The following SENP3 variants were observed in gnomAD, a reference collection of about 807,000 sequenced individuals.
The protein encoded by SENP3 is SUMO specific peptidase 3.
SENP3 carries 11 observed loss-of-function variants against 66.2 expected under a neutral mutation model. The observed-to-expected ratio is 0.17, with a 90% CI of 0.10 to 0.28. The LOEUF (loss-of-function observed/expected upper bound fraction) is 0.28. SENP3 is among the 10% of genes least tolerant of loss of function. The probability of loss-of-function intolerance (pLI) is 1.00; values close to 1 mark genes in which losing one functional copy is unlikely to be tolerated. For missense variants in SENP3, 548 were observed against 743.7 expected (o/e 0.74, Z 3.06); for synonymous variants, 292 against 277.6 (o/e 1.05, Z -0.52).
Position 7,563,185 on chromosome 17 carries a change from C to A in SENP3, c.109C>A (p.Pro37Thr). 1.3e-6 allele frequency: 2 copies of A among 1,564,400 alleles called. No homozygotes were observed. The highest frequency in any genetic ancestry group is 1.7e-6 in the Non-Finnish European group (2 of 1,154,806). The change falls in exon 2 of 11, where the codon CCT (proline) becomes ACT (threonine). Residue 37 changes from proline to threonine, a missense_variant. Coordinates refer to ENST00000321337, the MANE Select transcript of SENP3 (RefSeq NM_015670.6). ...GCGGGAGCGTCTTCGTTGGCCCCCA[C>A]CTCCCAAACCCCGACTCAAGTCAGG... ...PRRERLRWPP[P>T]PKPRLKSGGG... is the part of the protein sequence containing the mutation.
At chr17:7,564,194 G>A (rs2071248766) in intron 2 of SENP3, among the ~76,000 whole-genome samples, 2 of 152,202 alleles carry the variant, frequency 1.3e-5, no homozygotes, top group Admixed American at 6.5e-5. Flanking sequence ...CAGTAGTGGA[G>A]TACATCATCT....
At position 7,570,621 on chromosome 17, in the gene SENP3, A is replaced by T; in HGVS notation, c.1480-60A>T. 1 of 1,583,904 alleles carries T rather than the reference A, an allele frequency of 6.3e-7. No homozygotes were observed. The highest frequency in any genetic ancestry group is 2.3e-5 in the East Asian group (1 of 43,716). On this transcript the variant is annotated intron_variant, in intron 8 of 10. Transcript: ENST00000321337. The surrounding 1 kb of genome is among the most constrained non-coding windows in gnomAD (Gnocchi z 5.4). ...CATGGTGTCTGCCAGCACTGTACCC[A>T]CCATACTGTGTTCAATTGAGAAACT...
At chr17:7,565,859 G>C in intron 6 of SENP3, 95 bp downstream of exon 6, 1 of 1,082,662 alleles carries the variant, frequency 9.2e-7, no homozygotes, top group Non-Finnish European at 1.4e-6. Flanking sequence ...TACACAGAGA[G>C]GGTCTCTGTT....
chr17:7,568,843 AAC>A (rs2150920913), intron 7 of SENP3, among the ~76,000 whole-genome samples: 1 of 152,320 alleles, frequency 6.6e-6, no homozygotes, highest in East Asian at 1.9e-4. Flanking sequence ...GTTGGTGAGA[AAC>A]ACAGATAAAA....
intron 6 of SENP3, chr17:7,566,021 T>A: frequency 2.6e-6 from 1 of 380,054 alleles, no homozygotes; most frequent in Non-Finnish European, 4.7e-6. Context: ...GTAACTATTG[T>A]AAAACAAGAT....
intron 7 of SENP3, among the ~76,000 whole-genome samples, chr17:7,567,678 C>T (rs967522304): frequency 2.0e-5 from 3 of 152,078 alleles, no homozygotes; most frequent in African/African-American, 7.2e-5. Flanking sequence ...AGTGAAAAAC[C>T]ATGGCTGAGG....
chr17:7,570,658 T>G lies in SENP3; in HGVS notation c.1480-23T>G. 6.2e-7 allele frequency: 1 copy of G among 1,608,214 alleles called. No homozygotes were observed. Among genetic ancestry groups the G allele is most frequent in the Non-Finnish European group, 8.5e-7 (1 of 1,176,894 alleles). ...TCAATTGAGAAACTTAGGGCATCAC[T>G]TTCTTTTCCCCCATCCACATAGCAT... On this transcript the variant is annotated intron_variant, in intron 8 of 10. Transcript: ENST00000321337. This position sits in a 1 kb window ranked among gnomAD's most constrained non-coding sequence, Gnocchi z 5.4.
Position 7,570,783 on chromosome 17 carries a change from G to T in SENP3, c.1563+19G>T, listed in dbSNP as rs1353016427. On this transcript the variant is annotated intron_variant, in intron 9 of 10. Transcript: ENST00000321337. The surrounding 1 kb of genome is among the most constrained non-coding windows in gnomAD (Gnocchi z 5.4). ...CAAAATGGTGAGTTTCCTGAGGGAG[G>T]GGTATAGGGTGTTGGTGGGGACAGT... is the stretch of plus-strand genomic sequence containing the variant. 6.2e-7 allele frequency: 1 copy of T among 1,607,354 alleles called. No individual in the cohort carries two copies. The highest frequency in any genetic ancestry group is 8.5e-7 in the Non-Finnish European group (1 of 1,176,406).
At chr17:7,565,668 T>G (rs2071261751) in intron 5 of SENP3, 49 bp from the exon 6 acceptor site, 1 of 1,612,850 alleles carries the variant, frequency 6.2e-7, no homozygotes, top group African/African-American at 1.3e-5. Context: ...GGGAGCCCTG[T>G]ACCCATGCCG....
intron 7 of SENP3, among the ~76,000 whole-genome samples, chr17:7,567,502 A>G (rs1430618096): frequency 6.6e-6 from 1 of 151,480 alleles, no homozygotes; most frequent in Non-Finnish European, 1.5e-5. Context: ...CTGGGCAACA[A>G]GAGCAAAACT....
Position 7,562,475 on chromosome 17 carries a change from T to G in SENP3, c.-12+212T>G, listed in dbSNP as rs1045529270. ...GAGGGGGCTGGGCCGGCCTGGCTTGTGCGCTCCGTTCTGTCCCAGCGTCTT... is the reference window on the plus strand; with the variant it reads ...GAGGGGGCTGGGCCGGCCTGGCTTGGGCGCTCCGTTCTGTCCCAGCGTCTT... On this transcript the variant is annotated intron_variant, in intron 1 of 10. Transcript: ENST00000321337. The surrounding 1 kb of genome is among the most constrained non-coding windows in gnomAD (Gnocchi z 5.0). Among the ~76,000 whole-genome samples, 1 of 152,276 alleles carries G rather than the reference T, an allele frequency of 6.6e-6. No homozygotes were observed. The highest frequency in any genetic ancestry group is 2.4e-5 in the African/African-American group (1 of 41,474).
In SENP3 at chr17:7,563,698, G is replaced by A; in HGVS notation, c.622G>A (p.Gly208Arg). ...GCTAGGTGCTCTCATGGCTGAGGAT[G>A]GGGTGAGAGGGTCTCCACCAGTGCC... is the stretch of plus-strand genomic sequence containing the variant. ...GLLGALMAEDGVRGSPPVPSG... is the reference protein window; with the variant it reads ...GLLGALMAEDRVRGSPPVPSG... Residue 208 changes from glycine to arginine, a missense_variant, in exon 2 of 11, where the codon GGG becomes AGG. Gly to Arg is a moderately radical substitution (Grantham distance 125, BLOSUM62 -2). Transcript: ENST00000321337. 3 of 1,612,950 alleles carry A rather than the reference G, an allele frequency of 1.9e-6. No homozygotes were observed. Among genetic ancestry groups the A allele is most frequent in the Non-Finnish European group, 2.5e-6 (3 of 1,179,800 alleles).
Position 7,563,195 on chromosome 17 carries a change from C to A in SENP3, c.119C>A (p.Pro40His). ...ERLRWPPPPKPRLKSGGGFGP... is the reference protein window; with the variant it reads ...ERLRWPPPPKHRLKSGGGFGP... ...CTTCGTTGGCCCCCACCTCCCAAAC[C>A]CCGACTCAAGTCAGGTGGAGGGTTT... The change falls in exon 2 of 11, where the codon CCC becomes CAC. Residue 40 changes from proline (P) to histidine (H), a missense_variant. Coordinates refer to ENST00000321337, the MANE Select transcript of SENP3 (RefSeq NM_015670.6). 6.4e-7 allele frequency: 1 copy of A among 1,572,870 alleles called. No individual in the cohort carries two copies. The highest frequency in any genetic ancestry group is 1.2e-5 in the South Asian group (1 of 85,384).
Position 7,565,327 on chromosome 17 carries a change from C to G in SENP3, c.1068-113C>G, listed in dbSNP as rs2071259170. 6.1e-6 allele frequency: 8 copies of G among 1,319,486 alleles called. No homozygotes were observed. The East Asian group carries it at 1.5e-4, about 25-fold the overall frequency. 81.7% of individuals were successfully genotyped at this position (1,319,486 alleles called of 1,614,324 possible). A position where few individuals can be genotyped will look rare whatever the true frequency, so the allele number is the denominator to read the frequency against. ...TTCGCAGGTCCTCAGAAGGACCCAT[C>G]ATGAGCCAGAAAAAAGGGAGTCAGT... is the stretch of plus-strand genomic sequence containing the variant. On this transcript the variant is annotated intron_variant, in intron 4 of 10. Transcript: ENST00000321337.
In SENP3 at chr17:7,570,842, G is replaced by T. The variant is rs1229344010; in HGVS notation, c.1564-41G>T. ...GCAGAAATTGAAGTCCTACCCCTGG[G>T]AGTCTCCATGTGAAGGGCCTGCTTT... On this transcript the variant is annotated intron_variant, in intron 9 of 10. Coordinates refer to ENST00000321337, the MANE Select transcript of SENP3 (RefSeq NM_015670.6). This position sits in a 1 kb window ranked among gnomAD's most constrained non-coding sequence, Gnocchi z 5.4. 6.2e-7 allele frequency: 1 copy of T among 1,607,338 alleles called. No individual in the cohort carries two copies. Among genetic ancestry groups the T allele is most frequent in the Non-Finnish European group, 8.5e-7 (1 of 1,176,122 alleles).
chr17:7,569,319 A>T (rs530415536), intron 7 of SENP3, among the ~76,000 whole-genome samples: 2 of 147,472 alleles, frequency 1.4e-5, no homozygotes, highest in African/African-American at 5.0e-5. Flanking sequence ...CAGGAGGTGG[A>T]GCTTGCAGTG....
rs201454907 is a variant in SENP3 at position 7,563,731 on chromosome 17, C to T, written c.655C>T (p.Pro219Ser). The change falls in exon 2 of 11, where the codon CCC (proline) becomes TCC (serine). Residue 219 changes from proline to serine, a missense_variant. Pro to Ser is a moderately conservative substitution (Grantham distance 74, BLOSUM62 -1). Coordinates refer to ENST00000321337, the MANE Select transcript of SENP3 (RefSeq NM_015670.6). ...AGGGTCTCCACCAGTGCCCTCTGGG[C>T]CCCCCATGGAGGAAGATGGACTCAG... ...VRGSPPVPSG[P>S]PMEEDGLRWT... 8 of 1,612,700 alleles carry T rather than the reference C, an allele frequency of 5.0e-6. No individual in the cohort carries two copies. Among genetic ancestry groups the T allele is most frequent in the Non-Finnish European group, 6.8e-6 (8 of 1,179,796 alleles).
In SENP3 at chr17:7,563,790, G is replaced by A; in HGVS notation, c.714G>A (p.Ser238=). 2 of 1,607,578 alleles carry A rather than the reference G, an allele frequency of 1.2e-6. No homozygotes were observed. Among genetic ancestry groups the A allele is most frequent in the Non-Finnish European group, 8.5e-7 (1 of 1,177,782 alleles). Reference sequence around the variant, plus strand: ...CAAAGTCTCCTCTGGACCCTGACTCGGGTAAGGTGGGAAAGGGGTGTGGGG... The same window carrying A: ...CAAAGTCTCCTCTGGACCCTGACTCAGGTAAGGTGGGAAAGGGGTGTGGGG... ...WTPKSPLDPD[S]GLLSCTLPNG... The change falls in exon 2 of 11, where the codon TCG becomes TCA. Residue 238 remains serine, a splice_region_variant and synonymous_variant. Coordinates refer to ENST00000321337, the MANE Select transcript of SENP3 (RefSeq NM_015670.6).
intron 7 of SENP3, 57 bp downstream of exon 7, chr17:7,567,061 C>G (rs2071274804): frequency 8.9e-7 from 1 of 1,122,394 alleles, no homozygotes; most frequent in East Asian, 2.6e-5. Flanking sequence ...GAATGAGAGT[C>G]TTGTTTTCTC....
Sources: gnomAD v4.1 joint callset for allele counts (sites outside exome capture counted in the v4.1 genomes callset) on GRCh38, gnomAD v4.1.1 for gene constraint, Gnocchi (gnomAD v3.1) non-coding constraint, MANE v1.5 for transcripts, NCBI Gene and HGNC (gene_info 2026-07-23, HGNC 2026-07-21) for gene names.